The following LMNB2 variants were observed in gnomAD, a reference collection of about 807,000 sequenced individuals.
LMNB2 encodes lamin-B2.
Under a neutral mutation model 69.3 loss-of-function variants are expected in LMNB2, and 17 were observed. The ratio of observed to expected loss-of-function variants is 0.25; its 90% CI spans 0.17 to 0.37. The LOEUF (loss-of-function observed/expected upper bound fraction) is 0.37, where lower values mean the gene tolerates loss of function less well. Ranked by LOEUF, LMNB2 falls within the 10% of genes least tolerant of loss-of-function variation. The probability of loss-of-function intolerance (pLI) is 1.00; values close to 1 mark genes in which losing one functional copy is unlikely to be tolerated. For missense variants in LMNB2, 789 were observed against 883.6 expected, an observed-to-expected ratio of 0.89 and a Z score of 1.36; for synonymous variants, 397 against 389.3, an observed-to-expected ratio of 1.02 and a Z score of -0.23.
chr19:2,434,970 C>T, intron 5 of LMNB2, 31 bp downstream of exon 5: 1 of 1,563,340 alleles, frequency 6.4e-7, no homozygotes, highest in Admixed American at 1.7e-5. Flanking sequence ...TTCCCACCGG[C>T]CGCCCCCGCC....
intron 1 of LMNB2, among the ~76,000 whole-genome samples, chr19:2,446,621 C>G (rs990731227): frequency 6.6e-6 from 1 of 152,212 alleles, no homozygotes; most frequent in South Asian, 2.1e-4. Flanking sequence ...GATGCCACTT[C>G]GCACCAGCCA....
At position 2,453,845 on chromosome 19, in the gene LMNB2, G is replaced by A. The variant is rs964078072; in HGVS notation, c.264+2825C>T. ...AGCTGTTCGTCCCATTGGCAGGTGG[G>A]ATAACAGAGGCCCAAAGACAAGAAA... On this transcript the variant is annotated intron_variant, in intron 1 of 11. Coordinates refer to ENST00000325327, the MANE Select transcript of LMNB2 (RefSeq NM_032737.4). This position sits in a 1 kb window ranked among gnomAD's most constrained non-coding sequence, Gnocchi z 4.4. Among the ~76,000 whole-genome samples the A allele has an allele frequency of 1.3e-5, 2 of 152,152 alleles. No homozygotes were observed. The highest frequency in any genetic ancestry group is 2.1e-4 in the South Asian group (1 of 4,836).
chr19:2,443,087 C>T lies in LMNB2; in HGVS notation c.401+1317G>A, dbSNP rs957886235. Among the ~76,000 whole-genome samples the T allele has an allele frequency of 1.3e-5, 2 of 152,228 alleles. No individual in the cohort carries two copies. Among genetic ancestry groups the T allele is most frequent in the Non-Finnish European group, 2.9e-5 (2 of 68,034 alleles). ...CGGTGGGTGCTGGAGGTAGACAGCA[C>T]AGAGCTGCTGCCTGAGCAGGTCCCG... On this transcript the variant is annotated intron_variant, in intron 2 of 11. Coordinates refer to ENST00000325327, the MANE Select transcript of LMNB2 (RefSeq NM_032737.4). The surrounding 1 kb of genome is among the most constrained non-coding windows in gnomAD (Gnocchi z 6.2).
intron 2 of LMNB2, among the ~76,000 whole-genome samples, chr19:2,444,009 G>A (rs1177115145): frequency 6.6e-6 from 1 of 152,114 alleles, no homozygotes; most frequent in Non-Finnish European, 1.5e-5. Context: ...TCCAACCACA[G>A]GGAAATGCCT....
intron 8 of LMNB2, 125 bp from the exon 9 acceptor site, chr19:2,432,648 C>G: frequency 1.3e-6 from 1 of 795,052 alleles, no homozygotes. Flanking sequence ...CCCCATTACC[C>G]CCATGCCCTG....
intron 1 of LMNB2, among the ~76,000 whole-genome samples, chr19:2,449,407 T>C (rs1204548911): frequency 1.3e-5 from 2 of 152,158 alleles, no homozygotes; most frequent in Non-Finnish European, 2.9e-5. Context: ...CCACAAGGTA[T>C]CCCTGTCACT....
chr19:2,452,522 T>TA (rs1201122972), intron 1 of LMNB2, among the ~76,000 whole-genome samples: 1 of 150,698 alleles, frequency 6.6e-6, no homozygotes, highest in Non-Finnish European at 1.5e-5. Context: ...GGTCAAGAGA[T>TA]AGAGACCATC....
At chr19:2,452,263 G>A (rs902652311) in intron 1 of LMNB2, among the ~76,000 whole-genome samples, 15 of 152,212 alleles carry the variant, frequency 9.9e-5, no homozygotes, top group Non-Finnish European at 1.6e-4. Context: ...GAACTCCTGC[G>A]GGCAGGAAAG....
At chr19:2,434,240 C>T in intron 7 of LMNB2, 55 bp downstream of exon 7, 2 of 1,593,568 alleles carry the variant, frequency 1.3e-6, no homozygotes, top group Non-Finnish European at 1.7e-6. Flanking sequence ...CGCCTCTCCT[C>T]CTGCCCTGCC....
chr19:2,437,388 G>A (rs1466495335), intron 4 of LMNB2, among the ~76,000 whole-genome samples: 1 of 152,246 alleles, frequency 6.6e-6, no homozygotes, highest in African/African-American at 2.4e-5. Context: ...AGATGCACCT[G>A]ACGCCTGCCT....
intron 2 of LMNB2, 97 bp downstream of exon 2, chr19:2,444,307 T>C: frequency 7.0e-7 from 1 of 1,427,788 alleles, no homozygotes; most frequent in Non-Finnish European, 9.7e-7. Flanking sequence ...TGTGCCCGTA[T>C]CAGAGCATGC....
At chr19:2,437,560 GGAGGCC>G (rs1200948614) in intron 4 of LMNB2, among the ~76,000 whole-genome samples, 1 of 152,226 alleles carries the variant, frequency 6.6e-6, no homozygotes, top group Non-Finnish European at 1.5e-5. Context: ...CAGCAGTTTG[GGAGGCC>G]GAGGCGGATG....
intron 1 of LMNB2, among the ~76,000 whole-genome samples, chr19:2,455,619 C>T (rs1254570622): frequency 1.3e-5 from 2 of 152,110 alleles, no homozygotes; most frequent in African/African-American, 4.8e-5. Flanking sequence ...ACTCAGGACA[C>T]GGAAGATCTC....
At chr19:2,449,429 G>A (rs1971994921) in intron 1 of LMNB2, among the ~76,000 whole-genome samples, 1 of 152,210 alleles carries the variant, frequency 6.6e-6, no homozygotes, top group African/African-American at 2.4e-5. Flanking sequence ...AACGACACCT[G>A]ACTTGAATTA....
chr19:2,437,760 A>C (rs1316386905), intron 4 of LMNB2, among the ~76,000 whole-genome samples: 1 of 148,426 alleles, frequency 6.7e-6, no homozygotes, highest in Non-Finnish European at 1.5e-5. Flanking sequence ...AGATCGTGCC[A>C]CCGCACTCCA....
intron 6 of LMNB2, 87 bp from the exon 7 acceptor site, chr19:2,434,602 A>G: frequency 2.6e-6 from 4 of 1,522,010 alleles, no homozygotes; most frequent in Admixed American, 1.9e-5. Flanking sequence ...ATGGGCCCTC[A>G]CCACAGACTG....
At chr19:2,456,480 C>T (rs956232951) in intron 1 of LMNB2, among the ~76,000 whole-genome samples, 190 bp downstream of exon 1, 22 of 151,554 alleles carry the variant, frequency 1.5e-4, no homozygotes, top group Admixed American at 7.2e-4. Flanking sequence ...CGATTGCCCA[C>T]CCCGCGGTGG....
rs746460447 is a variant in LMNB2, at chr19:2,434,341, T to C, written c.1156A>G (p.Met386Val). ...ELLDVKLALD[M>V]EINAYRKLLE... Reference sequence around the variant, plus strand: ...AGCTTCCGGTAGGCGTTGATCTCCATGTCCAGGGCCAGCTTCACGTCCAGC... The same window carrying C: ...AGCTTCCGGTAGGCGTTGATCTCCACGTCCAGGGCCAGCTTCACGTCCAGC... Residue 386 changes from methionine (M) to valine (V), a missense_variant, in exon 7 of 12, where the codon ATG (methionine) becomes GTG (valine). By Grantham distance (21) the Met-to-Val change is conservative. Coordinates refer to ENST00000325327, the MANE Select transcript of LMNB2 (RefSeq NM_032737.4). 58 of 1,613,172 alleles carry C rather than the reference T, an allele frequency of 3.6e-5. No individual in the cohort carries two copies. Among genetic ancestry groups the C allele is most frequent in the South Asian group, 6.6e-5 (6 of 91,084 alleles).
rs1209278850 is a variant in LMNB2, at chr19:2,447,425, G to A, written c.265-2885C>T. On this transcript the variant is annotated intron_variant, in intron 1 of 11. Coordinates refer to ENST00000325327, the MANE Select transcript of LMNB2 (RefSeq NM_032737.4). This position sits in a 1 kb window ranked among gnomAD's most constrained non-coding sequence, Gnocchi z 4.4. Reference sequence around the variant, plus strand: ...GGGCAGCGGGGCTGGAGAAGGGGACGGGGAGTGACCGCTGAGGGGGACAGG... The same window carrying A: ...GGGCAGCGGGGCTGGAGAAGGGGACAGGGAGTGACCGCTGAGGGGGACAGG... 6.6e-6 allele frequency among the ~76,000 whole-genome samples: 1 copy of A among 152,208 alleles called. No homozygotes were observed. The highest frequency in any genetic ancestry group is 6.5e-5 in the Admixed American group (1 of 15,270).
Sources: gnomAD v4.1 joint callset for allele counts (sites outside exome capture counted in the v4.1 genomes callset) on GRCh38, gnomAD v4.1.1 for gene constraint, Gnocchi (gnomAD v3.1) non-coding constraint, MANE v1.5 for transcripts, NCBI Gene and HGNC (gene_info 2026-07-23, HGNC 2026-07-21) for gene names.